Variants in NQO1 observed in about 807,000 individuals in gnomAD.
NQO1 encodes the protein NAD(P)H dehydrogenase [quinone] 1.
A neutral mutation model predicts 32.1 loss-of-function variants in NQO1; 30 were observed. The observed-to-expected ratio is 0.94, with a 90% CI of 0.70 to 1.27. The LOEUF (loss-of-function observed/expected upper bound fraction) is 1.27. NQO1 is among the 50% of genes most tolerant of loss of function. The pLI, the probability that NQO1 is intolerant of heterozygous loss-of-function variation, is 0.00. For missense variants in NQO1, 276 were observed against 331.3 expected (o/e 0.83, Z 1.30); for synonymous variants, 109 against 119.7 (o/e 0.91, Z 0.59).
intron 3 of NQO1, among the ~76,000 whole-genome samples, chr16:69,716,049 T>C (rs1009096207): frequency 1.3e-5 from 2 of 151,716 alleles, no homozygotes; most frequent in Non-Finnish European, 2.9e-5. Flanking sequence ...ACATCTCTAG[T>C]CCCAGCTATA....
At chr16:69,719,511 C>T (rs572719725) in intron 1 of NQO1, among the ~76,000 whole-genome samples, 5 of 152,126 alleles carry the variant, frequency 3.3e-5, no homozygotes, top group Admixed American at 1.3e-4. Context: ...CACGGTGGTT[C>T]GAGCCTGTAA....
intron 5 of NQO1, among the ~76,000 whole-genome samples, chr16:69,712,179 C>T (rs1419490233): frequency 1.3e-5 from 2 of 152,062 alleles, no homozygotes; most frequent in African/African-American, 4.8e-5. Flanking sequence ...CCTCGAACTC[C>T]TGGGTCTCTC....
At chr16:69,724,117 C>T (rs1209699715) in intron 1 of NQO1, among the ~76,000 whole-genome samples, 1 of 151,872 alleles carries the variant, frequency 6.6e-6, no homozygotes, top group Admixed American at 6.6e-5. Context: ...AGCTAGAGAC[C>T]AGCCTGGCCA....
rs937696085 is a variant in NQO1 at position 69,717,607 on chromosome 16, C to CT, written c.303+515dup. Among the ~76,000 whole-genome samples, 604 of 138,854 alleles carry CT rather than the reference C, an allele frequency of 4.3e-3. 3 individuals carry two copies. The highest frequency in any genetic ancestry group is 8.1e-3 in the South Asian group (35 of 4,346). 91.1% of individuals were successfully genotyped at this position (138,854 alleles called of 152,430 possible). On this transcript the variant is annotated intron_variant, in intron 3 of 5. Transcript: ENST00000320623. ...TCTCTGCAGCTGCATTTCTTTCTTTCTTTTTTTTTTTTTTTTGAGACAGAA... is the reference window on the plus strand; with the variant it reads ...TCTCTGCAGCTGCATTTCTTTCTTTCTTTTTTTTTTTTTTTTTGAGACAGAA...
chr16:69,726,033 A>T (rs2038257048), intron 1 of NQO1, among the ~76,000 whole-genome samples: 1 of 152,212 alleles, frequency 6.6e-6, no homozygotes, highest in African/African-American at 2.4e-5. Context: ...CCACATTTTT[A>T]AGTGAAATCA....
At chr16:69,712,287 A>G (rs1445435339) in intron 5 of NQO1, among the ~76,000 whole-genome samples, 1 of 150,720 alleles carries the variant, frequency 6.6e-6, no homozygotes, top group African/African-American at 2.4e-5. Context: ...TATGTTGCCC[A>G]GGCTGGTCTC....
At position 69,711,135 on chromosome 16, in the gene NQO1, A is replaced by C; in HGVS notation, c.666T>G (p.Tyr222Ter). Residue 222 changes from tyrosine (Y) to a stop codon, truncating the protein, a stop_gained, in exon 6 of 6, where the codon TAT (tyrosine) becomes TAG (stop). Transcript: ENST00000320623. LOFTEE classifies it high-confidence loss of function. The stretch of plus-strand genomic sequence containing the variant: ...GGTCAAAGAGGCTGCTTGGAGCAAA[A>C]TACAGTGGTGTCTCATCCCAAATAT... ...LENIWDETPL[Y>*]FAPSSLFDLN... 1 of 1,614,190 alleles carries C rather than the reference A, an allele frequency of 6.2e-7. No homozygotes were observed. Among genetic ancestry groups the C allele is most frequent in the Non-Finnish European group, 8.5e-7 (1 of 1,180,042 alleles).
Position 69,709,698 on chromosome 16 carries a change from G to A in NQO1, c.*1278C>T, listed in dbSNP as rs1302368317. The A allele has an allele frequency of 2.5e-6, 1 of 398,002 alleles. No individual in the cohort carries two copies. Among genetic ancestry groups the A allele is most frequent in the African/African-American group, 2.1e-5 (1 of 48,604 alleles). 24.7% of individuals were successfully genotyped at this position (398,002 alleles called of 1,614,324 possible). A position where few individuals can be genotyped will look rare whatever the true frequency, so the allele number is the denominator to read the frequency against. On this transcript the variant is annotated 3_prime_UTR_variant, in exon 6 of 6. Transcript: ENST00000320623. ...TTTCAATGCACCACAAGAGGGCAGTGTTTTATCATATTCTCCTTGAATTAT... is the reference window on the plus strand; with the variant it reads ...TTTCAATGCACCACAAGAGGGCAGTATTTTATCATATTCTCCTTGAATTAT...
chr16:69,726,404 CCAAG>C, intron 1 of NQO1, 25 bp downstream of exon 1: 3 of 1,611,498 alleles, frequency 1.9e-6, no homozygotes, highest in Non-Finnish European at 2.5e-6. Flanking sequence ...GAGACGACCG[CCAAG>C]CACCCCGCCC....
intron 1 of NQO1, among the ~76,000 whole-genome samples, chr16:69,720,163 A>G (rs141759394): frequency 2.5e-3 from 378 of 152,162 alleles, no homozygotes; most frequent in Non-Finnish European, 4.4e-3. Context: ...GGAGGCTGAG[A>G]GATGGAAGGA....
At chr16:69,722,634 A>C (rs376135290) in intron 1 of NQO1, among the ~76,000 whole-genome samples, 18 of 152,352 alleles carry the variant, frequency 1.2e-4, no homozygotes, top group African/African-American at 4.1e-4. Context: ...AATATGCCAA[A>C]CCAGGGGATT....
intron 1 of NQO1, among the ~76,000 whole-genome samples, chr16:69,725,830 C>A (rs1348001460): frequency 6.6e-6 from 1 of 152,140 alleles, no homozygotes; most frequent in Admixed American, 6.6e-5. Flanking sequence ...GCTGAGATAG[C>A]GCCATTGCAC....
At chr16:69,725,950 C>T (rs2038255933) in intron 1 of NQO1, among the ~76,000 whole-genome samples, 1 of 152,224 alleles carries the variant, frequency 6.6e-6, no homozygotes, top group Admixed American at 6.5e-5. Context: ...CTCCGTCAAA[C>T]CAAAGGCATC....
Position 69,714,955 on chromosome 16 carries a change from T to C in NQO1, c.417+9A>G. On this transcript the variant is annotated intron_variant, in intron 4 of 5. Coordinates refer to ENST00000320623, the MANE Select transcript of NQO1 (RefSeq NM_000903.3). ...CTGGCTGTCAGAGCATTCAGAACCA[T>C]CCACCTACCCGGAAGGGTCCTTTGT... 4 of 1,592,412 alleles carry C rather than the reference T, an allele frequency of 2.5e-6. No homozygotes were observed. Among genetic ancestry groups the C allele is most frequent in the Non-Finnish European group, 3.4e-6 (4 of 1,160,578 alleles).
Position 69,710,848 on chromosome 16 carries a change from G to T in NQO1, c.*128C>A, listed in dbSNP as rs552973481. On this transcript the variant is annotated 3_prime_UTR_variant, in exon 6 of 6. Transcript: ENST00000320623. ...GATCCAAAAATGCACGAATACAGTC[G>T]ATTCCCTCTCATTTATTCCTTGTGG... 9 of 1,012,552 alleles carry T rather than the reference G, an allele frequency of 8.9e-6. No individual in the cohort carries two copies. The highest frequency in any genetic ancestry group is 1.3e-5 in the Non-Finnish European group (9 of 704,348). 62.7% of individuals were successfully genotyped at this position (1,012,552 alleles called of 1,614,324 possible). A position where few individuals can be genotyped will look rare whatever the true frequency, so the allele number is the denominator to read the frequency against.
intron 1 of NQO1, among the ~76,000 whole-genome samples, chr16:69,720,528 T>G (rs1451035541): frequency 6.6e-6 from 1 of 151,192 alleles, no homozygotes; most frequent in Non-Finnish European, 1.5e-5. Flanking sequence ...TGTGCAGTGA[T>G]CACATTAAAC....
At chr16:69,719,116 T>C (rs1190652787) in intron 1 of NQO1, among the ~76,000 whole-genome samples, 1 of 151,724 alleles carries the variant, frequency 6.6e-6, no homozygotes, top group African/African-American at 2.4e-5. Flanking sequence ...TTTACATGGG[T>C]ACTGTGTTTA....
chr16:69,716,817 G>C (rs897508859), intron 3 of NQO1, among the ~76,000 whole-genome samples: 1 of 152,068 alleles, frequency 6.6e-6, no homozygotes, highest in Non-Finnish European at 1.5e-5. Context: ...AGGGCATGGT[G>C]GTGTGCACTG....
rs201883674 is a variant in NQO1 at position 69,710,185 on chromosome 16, TAGTC to T, written c.*787_*790del. On this transcript the variant is annotated 3_prime_UTR_variant, in exon 6 of 6. Coordinates refer to ENST00000320623, the MANE Select transcript of NQO1 (RefSeq NM_000903.3). Reference sequence around the variant, plus strand: ...CCGTCTCTACTAAAAATACAAAAATTAGTCAGGCATGATGGCAGGCGCCTGTCAT... The same window carrying T: ...CCGTCTCTACTAAAAATACAAAAATTAGGCATGATGGCAGGCGCCTGTCAT... 1,323 of 154,032 alleles carry T rather than the reference TAGTC, an allele frequency of 8.6e-3. 17 individuals are homozygous for T. The highest frequency in any genetic ancestry group is 0.031 in the African/African-American group (1,268 of 41,458). 9.5% of individuals were successfully genotyped at this position (154,032 alleles called of 1,614,324 possible). A position where few individuals can be genotyped will look rare whatever the true frequency, so the allele number is the denominator to read the frequency against.
Sources: gnomAD v4.1 joint callset for allele counts (sites outside exome capture counted in the v4.1 genomes callset) on GRCh38, gnomAD v4.1.1 for gene constraint, MANE v1.5 for transcripts, NCBI Gene and HGNC (gene_info 2026-07-23, HGNC 2026-07-21) for gene names.